The following PDE4D variants were observed in gnomAD, a reference collection of about 807,000 sequenced individuals.
PDE4D encodes the protein 3',5'-cyclic-AMP phosphodiesterase 4D.
In PDE4D, 24 loss-of-function variants were observed where a neutral mutation model predicts 87.4. The ratio of observed to expected loss-of-function variants is 0.27; its 90% CI spans 0.20 to 0.39. The LOEUF (loss-of-function observed/expected upper bound fraction) is 0.39, where lower values mean the gene tolerates loss of function less well. Among genes scored for constraint, PDE4D ranks in the 10% least tolerant of loss-of-function variants. PDE4D has a pLI of 1.00. For synonymous variants in PDE4D, 384 were observed against 383.2 expected, an observed-to-expected ratio of 1.00 and a Z score of -0.02; for missense variants, 714 against 1,041.0, an observed-to-expected ratio of 0.69 and a Z score of 4.32.
chr5:59,054,439 A>G (rs1762040157), intron 5 of PDE4D, among the ~76,000 whole-genome samples: 1 of 152,148 alleles, frequency 6.6e-6, no homozygotes, highest in Admixed American at 6.6e-5. Flanking sequence ...AAAATGTACA[A>G]AAAGGTTTTA....
intron 1 of PDE4D, among the ~76,000 whole-genome samples, chr5:59,369,114 C>T (rs1050061246): frequency 6.6e-6 from 1 of 152,222 alleles, no homozygotes; most frequent in Non-Finnish European, 1.5e-5. Flanking sequence ...TCTCAATCTA[C>T]TACTATCTAG....
chr5:59,549,087 C>T (rs1297827806), intron 1 of PDE4D, among the ~76,000 whole-genome samples: 1 of 152,118 alleles, frequency 6.6e-6, no homozygotes, highest in Non-Finnish European at 1.5e-5. Context: ...TCAACACCAA[C>T]ATTAAATAAA....
chr5:59,092,765 T>C (rs998466062), intron 5 of PDE4D, among the ~76,000 whole-genome samples: 9 of 152,192 alleles, frequency 5.9e-5, no homozygotes, highest in African/African-American at 2.2e-4. Context: ...AAATAATCCA[T>C]GTAAAGAACT....
chr5:60,361,458 T>A (rs1760060840), intron 1 of PDE4D, among the ~76,000 whole-genome samples: 1 of 152,204 alleles, frequency 6.6e-6, no homozygotes, highest in African/African-American at 2.4e-5. Flanking sequence ...CATTCTTTGA[T>A]AATCAGCTTA....
At chr5:59,847,452 CG>C (rs1744031651) in intron 1 of PDE4D, among the ~76,000 whole-genome samples, 1 of 151,962 alleles carries the variant, frequency 6.6e-6, no homozygotes, top group Admixed American at 6.6e-5. Flanking sequence ...GTGAGGTGTA[CG>C]GGGAGGGTAC....
intron 1 of PDE4D, among the ~76,000 whole-genome samples, chr5:59,656,011 C>T (rs11747324): frequency 6.6e-6 from 1 of 152,136 alleles, no homozygotes; most frequent in African/African-American, 2.4e-5. Flanking sequence ...CCCCCTCCTC[C>T]TACACACACA....
At chr5:59,960,428 C>T (rs1287568913) in intron 3 of PDE4D, among the ~76,000 whole-genome samples, 1 of 152,102 alleles carries the variant, frequency 6.6e-6, no homozygotes, top group Admixed American at 6.5e-5. Flanking sequence ...GCACTATTTA[C>T]AATAGCAAAG....
At chr5:59,449,973 C>T (rs1798901013) in intron 1 of PDE4D, among the ~76,000 whole-genome samples, 1 of 152,162 alleles carries the variant, frequency 6.6e-6, no homozygotes, top group East Asian at 1.9e-4. Flanking sequence ...CATATCTCTA[C>T]CAAATGGAAG....
chr5:60,385,422 G>A (rs1171472761), intron 1 of PDE4D, among the ~76,000 whole-genome samples: 1 of 152,244 alleles, frequency 6.6e-6, no homozygotes, highest in African/African-American at 2.4e-5. Context: ...TCTCAAGGAT[G>A]TTAACTTCTG....
chr5:59,354,693 C>T (rs762135655), intron 1 of PDE4D, among the ~76,000 whole-genome samples: 1 of 152,200 alleles, frequency 6.6e-6, no homozygotes, highest in Non-Finnish European at 1.5e-5. Flanking sequence ...AACTGCCTTC[C>T]TACCTCCCTA....
intron 1 of PDE4D, among the ~76,000 whole-genome samples, chr5:59,504,863 T>C (rs1562298667): frequency 6.6e-6 from 1 of 151,948 alleles, no homozygotes; most frequent in African/African-American, 2.4e-5. Context: ...CATAATTTTA[T>C]AAGTAATACA....
At chr5:59,804,015 CCTAA>C (rs1767456619) in intron 1 of PDE4D, among the ~76,000 whole-genome samples, 1 of 151,680 alleles carries the variant, frequency 6.6e-6, no homozygotes, top group South Asian at 2.1e-4. Flanking sequence ...CTTTTTAATC[CCTAA>C]CTTTTATTTA....
intron 5 of PDE4D, among the ~76,000 whole-genome samples, chr5:59,093,814 C>T (rs896492553): frequency 2.6e-5 from 4 of 152,116 alleles, no homozygotes; most frequent in African/African-American, 9.7e-5. Context: ...CAAACATCAA[C>T]TGAAGAAAGA....
In PDE4D at chr5:59,763,293, G is replaced by A. The variant is rs959497544; in HGVS notation, c.455+129875C>T. Among the ~76,000 whole-genome samples, 3 of 151,390 alleles carry A rather than the reference G, an allele frequency of 2.0e-5. No homozygotes were observed. In the East Asian group the frequency reaches 5.8e-4, roughly 29 times the overall value. Reference sequence around the variant, plus strand: ...TACATATGTAACTAACCTGCACATTGTGCACATGTACCCTAAAACTTAAAG... The same window carrying A: ...TACATATGTAACTAACCTGCACATTATGCACATGTACCCTAAAACTTAAAG... On this transcript the variant is annotated intron_variant, in intron 1 of 14. Coordinates refer to ENST00000340635, the MANE Select transcript of PDE4D (RefSeq NM_001104631.2).
At chr5:59,387,353 C>T (rs1230831929) in intron 1 of PDE4D, among the ~76,000 whole-genome samples, 1 of 152,014 alleles carries the variant, frequency 6.6e-6, no homozygotes, top group African/African-American at 2.4e-5. Flanking sequence ...TTCCACAAAA[C>T]CTACTTTGGG....
At chr5:60,435,343 T>G (rs1293835807) in intron 1 of PDE4D, among the ~76,000 whole-genome samples, 1 of 152,146 alleles carries the variant, frequency 6.6e-6, no homozygotes, top group African/African-American at 2.4e-5. Flanking sequence ...AGTACCTGCT[T>G]GATAGACACA....
At position 59,237,061 on chromosome 5, in the gene PDE4D, T is replaced by C. The variant is rs539256008; in HGVS notation, c.456-21093A>G. On this transcript the variant is annotated intron_variant, in intron 1 of 14. Coordinates refer to ENST00000340635, the MANE Select transcript of PDE4D (RefSeq NM_001104631.2). ...TACTGTTCTCACTCTCTGGAGTATG[T>C]GTTACAGATAATGAAGTTTTAGACC... Among the ~76,000 whole-genome samples, 8 of 152,268 alleles carry C rather than the reference T, an allele frequency of 5.3e-5. No homozygotes were observed. In the East Asian group the frequency reaches 1.5e-3, roughly 29 times the overall value.
intron 1 of PDE4D, among the ~76,000 whole-genome samples, chr5:60,275,891 A>G (rs60612289): frequency 0.043 from 6,570 of 151,910 alleles, 360 homozygotes; most frequent in African/African-American, 0.13. Context: ...TAATCCATGG[A>G]TTTTTAGAAG....
intron 5 of PDE4D, among the ~76,000 whole-genome samples, chr5:59,165,519 G>C (rs1781800257): frequency 6.6e-6 from 1 of 152,068 alleles, no homozygotes; most frequent in African/African-American, 2.4e-5. Flanking sequence ...CAGGTGATCT[G>C]CCCGCCTCAG....
Sources: gnomAD v4.1 joint callset for allele counts (sites outside exome capture counted in the v4.1 genomes callset) on GRCh38, gnomAD v4.1.1 for gene constraint, MANE v1.5 for transcripts, NCBI Gene and HGNC (gene_info 2026-07-23, HGNC 2026-07-21) for gene names.